CPNE9: variants seen among roughly 807,000 people sequenced by gnomAD.
CPNE9 encodes copine-9.
In CPNE9, 59 loss-of-function variants were observed where a neutral mutation model predicts 83.0. The ratio of observed to expected loss-of-function variants is 0.71; its 90% CI spans 0.58 to 0.88. CPNE9 has a LOEUF of 0.88. Ranked by LOEUF, CPNE9 falls within the 40% of genes least tolerant of loss-of-function variation. The pLI, the probability that CPNE9 is intolerant of heterozygous loss-of-function variation, is 0.00. For missense variants in CPNE9, 619 were observed against 720.8 expected, an observed-to-expected ratio of 0.86 and a Z score of 1.62; for synonymous variants, 256 against 273.4, an observed-to-expected ratio of 0.94 and a Z score of 0.63.
Position 9,715,533 on chromosome 3 carries a change from G to C in CPNE9, c.822+7G>C. 1 of 1,612,152 alleles carries C rather than the reference G, an allele frequency of 6.2e-7. No individual in the cohort carries two copies. The highest frequency in any genetic ancestry group is 1.3e-5 in the African/African-American group (1 of 75,014). ...ATATGTCAACTCAGGAACTGTGAGT[G>C]CTCCCTAGAGCCGTGGCCCTCCCTG... is the stretch of plus-strand genomic sequence containing the variant. On this transcript the variant is annotated splice_region_variant and intron_variant, in intron 13 of 20. Coordinates refer to ENST00000383832, the MANE Select transcript of CPNE9 (RefSeq NM_153635.3).
intron 19 of CPNE9, 43 bp downstream of exon 19, chr3:9,726,765 G>A (rs1454007364): frequency 6.4e-7 from 1 of 1,574,110 alleles, no homozygotes; most frequent in Non-Finnish European, 8.7e-7. Flanking sequence ...AAGAACTAAG[G>A]AGAAAAGTGG....
chr3:9,721,379 A>G (rs1222844031), intron 17 of CPNE9, among the ~76,000 whole-genome samples: 2 of 152,228 alleles, frequency 1.3e-5, no homozygotes, highest in Non-Finnish European at 2.9e-5. Flanking sequence ...TGCAAATTTT[A>G]TATTCTTCTC....
chr3:9,715,256 A>C (rs1575124270), intron 11 of CPNE9, 33 bp from the exon 12 acceptor site: 1 of 1,608,602 alleles, frequency 6.2e-7, no homozygotes, highest in South Asian at 1.1e-5. Context: ...AACCAGCAGC[A>C]CCTGCTGCTT....
At chr3:9,710,539 G>A (rs1459883135) in intron 7 of CPNE9, among the ~76,000 whole-genome samples, 1 of 152,222 alleles carries the variant, frequency 6.6e-6, no homozygotes, top group Non-Finnish European at 1.5e-5. Flanking sequence ...GGAGAGTGAA[G>A]GGCCTTGGGA....
At chr3:9,707,352 C>CAAAA (rs779965477) in intron 7 of CPNE9, among the ~76,000 whole-genome samples, 102 of 50,914 alleles carry the variant, frequency 2.0e-3, no homozygotes, top group Non-Finnish European at 2.7e-3. Context: ...GATTCTGTCT[C>CAAAA]AAAAAAAAAA....
intron 13 of CPNE9, among the ~76,000 whole-genome samples, 193 bp downstream of exon 13, chr3:9,715,719 C>T (rs1242232294): frequency 1.3e-5 from 2 of 152,176 alleles, no homozygotes; most frequent in African/African-American, 4.8e-5. Context: ...TCTGACTTCA[C>T]TCTTTTGCAG....
chr3:9,725,804 C>A, intron 17 of CPNE9, 145 bp from the exon 18 acceptor site: 1 of 663,948 alleles, frequency 1.5e-6, no homozygotes, highest in Non-Finnish European at 2.7e-6. Flanking sequence ...CAGTGGCAGG[C>A]TGCCAGGTCT....
chr3:9,726,661 A>T lies in CPNE9; in HGVS notation c.1345-4A>T. 1.9e-6 allele frequency: 3 copies of T among 1,613,114 alleles called. No homozygotes were observed. Among genetic ancestry groups the T allele is most frequent in the Non-Finnish European group, 2.5e-6 (3 of 1,179,216 alleles). ...CCCAACAGTTCACCCTCTTTCCCCT[A>T]CAGGCCTCCTCATTGCCCATGTCTA... On this transcript the variant is annotated splice_region_variant and splice_polypyrimidine_tract_variant and intron_variant, in intron 18 of 20. Coordinates refer to ENST00000383832, the MANE Select transcript of CPNE9 (RefSeq NM_153635.3).
intron 7 of CPNE9, among the ~76,000 whole-genome samples, chr3:9,708,929 C>T (rs952119083): frequency 2.0e-5 from 3 of 151,586 alleles, no homozygotes; most frequent in Middle Eastern, 3.2e-3. Flanking sequence ...CCACCGCACC[C>T]GGCCCAAGTC....
intron 10 of CPNE9, 99 bp from the exon 11 acceptor site, chr3:9,714,815 T>C: frequency 6.1e-6 from 6 of 984,270 alleles, no homozygotes; most frequent in South Asian, 1.5e-5. Context: ...GGAAGACAGA[T>C]GGGTGGATGG....
chr3:9,716,870 A>C (rs1305543874), intron 14 of CPNE9, among the ~76,000 whole-genome samples, 188 bp from the exon 15 acceptor site: 1 of 152,218 alleles, frequency 6.6e-6, no homozygotes, highest in African/African-American at 2.4e-5. Flanking sequence ...CTGTTACCTA[A>C]AGTGTAGTCC....
rs535439156 is a variant in CPNE9, at chr3:9,728,218, C to T, written c.1476+1032C>T. Among the ~76,000 whole-genome samples the T allele has an allele frequency of 3.3e-4, 51 of 152,256 alleles. 1 individual carries two copies. Among genetic ancestry groups the T allele is most frequent in the East Asian group, 1.9e-4 (1 of 5,186 alleles). ...AGGTCAGGGATGGGCCCAAGCATGG[C>T]GGCTCATGCCTATAATCCCAACACT... On this transcript the variant is annotated intron_variant, in intron 20 of 20. Transcript: ENST00000383832.
chr3:9,705,081 C>G, intron 4 of CPNE9, 87 bp downstream of exon 4: 2 of 991,450 alleles, frequency 2.0e-6, no homozygotes, highest in Non-Finnish European at 3.1e-6. Flanking sequence ...CGCCTCGCCT[C>G]CGGCCTGGTT....
At chr3:9,715,867 T>C (rs2076678708) in intron 13 of CPNE9, 107 bp from the exon 14 acceptor site, 3 of 904,346 alleles carry the variant, frequency 3.3e-6, no homozygotes, top group Non-Finnish European at 5.3e-6. Context: ...GGTGGAATCA[T>C]GTGCCTCCCA....
At chr3:9,708,547 T>C (rs1489465290) in intron 7 of CPNE9, among the ~76,000 whole-genome samples, 2 of 152,242 alleles carry the variant, frequency 1.3e-5, no homozygotes, top group Non-Finnish European at 1.5e-5. Context: ...GGCCATTGCA[T>C]TTAGCAAGAT....
chr3:9,713,123 C>A, intron 10 of CPNE9, 44 bp downstream of exon 10: 2 of 1,417,332 alleles, frequency 1.4e-6, no homozygotes, highest in Non-Finnish European at 2.0e-6. Context: ...CAAGGACATG[C>A]CAGTGTGGTT....
intron 4 of CPNE9, 36 bp from the exon 5 acceptor site, chr3:9,705,428 C>CCA: frequency 8.8e-7 from 1 of 1,137,174 alleles, no homozygotes; most frequent in Admixed American, 2.3e-5. Flanking sequence ...CTCCCCCACC[C>CCA]AGCCCCACCC....
chr3:9,705,916 G>A lies in CPNE9; in HGVS notation c.301-71G>A, dbSNP rs2076559531. 6 of 1,521,774 alleles carry A rather than the reference G, an allele frequency of 3.9e-6. No homozygotes were observed. In the Admixed American group the frequency reaches 5.0e-5, roughly 13 times the overall value. The allele number at this position is 1,521,774 out of a possible 1,614,324, so 94.3% of individuals were successfully genotyped here. A position where few individuals can be genotyped will look rare whatever the true frequency, so the allele number is the denominator to read the frequency against. On this transcript the variant is annotated intron_variant, in intron 6 of 20. Transcript: ENST00000383832. ...GGAACTGCCCTGGTCCTGTGCAGGA[G>A]CATCACTGGGGCTAGGCTGGGACTC...
intron 7 of CPNE9, 34 bp downstream of exon 7, chr3:9,706,097 T>G: frequency 6.2e-7 from 1 of 1,600,946 alleles, no homozygotes; most frequent in Non-Finnish European, 8.5e-7. Context: ...GGGAGTGGGG[T>G]GGGGGCTTCC....
Sources: allele counts gnomAD v4.1 joint callset (sites outside exome capture counted in the v4.1 genomes callset), GRCh38; gene constraint gnomAD v4.1.1; transcripts MANE v1.5; gene names NCBI Gene and HGNC (gene_info 2026-07-23, HGNC 2026-07-21).